The following ZNF536 variants were observed in gnomAD, a reference collection of about 807,000 sequenced individuals.
ZNF536 encodes zinc finger protein 536.
A neutral mutation model predicts 84.5 loss-of-function variants in ZNF536; 13 were observed. The observed-to-expected ratio is 0.15, with a 90% CI of 0.10 to 0.24. The LOEUF (loss-of-function observed/expected upper bound fraction) is 0.24, where lower values mean the gene tolerates loss of function less well. Ranked by LOEUF, ZNF536 falls within the 10% of genes least tolerant of loss-of-function variation. ZNF536 has a pLI of 1.00. For missense variants in ZNF536, 1,536 were observed against 1,747.5 expected (o/e 0.88, Z 2.16); for synonymous variants, 811 against 742.5 (o/e 1.09, Z -1.50).
chr19:30,505,211 ATAT>A (rs201844782), intron 2 of ZNF536, among the ~76,000 whole-genome samples: 1 of 144,740 alleles, frequency 6.9e-6, no homozygotes, highest in Non-Finnish European at 1.5e-5. Context: ...TCTATATATT[ATAT>A]TATTATGAGA....
chr19:30,424,465 A>G (rs1476470416), intron 1 of ZNF536, among the ~76,000 whole-genome samples: 1 of 152,182 alleles, frequency 6.6e-6, no homozygotes, highest in African/African-American at 2.4e-5. Flanking sequence ...TACTGAGCAC[A>G]GGTAACACAG....
chr19:30,516,599 T>C (rs564818198), intron 2 of ZNF536, among the ~76,000 whole-genome samples: 17 of 152,210 alleles, frequency 1.1e-4, no homozygotes, highest in Non-Finnish European at 2.4e-4. Flanking sequence ...CATGTGTTCA[T>C]TGAGTGACTC....
At chr19:30,652,594 T>C (rs1218266527) in intron 1 of ZNF536, among the ~76,000 whole-genome samples, 1 of 152,162 alleles carries the variant, frequency 6.6e-6, no homozygotes, top group Non-Finnish European at 1.5e-5. Context: ...AGAGAGGTGC[T>C]TTTCTAAGGA....
intron 1 of ZNF536, among the ~76,000 whole-genome samples, chr19:30,608,895 TA>T (rs2047992149): frequency 6.6e-6 from 1 of 152,172 alleles, no homozygotes. Context: ...TGGACCAGAT[TA>T]AAACTCTAGT....
intron 1 of ZNF536, among the ~76,000 whole-genome samples, chr19:30,632,762 T>C (rs1288249072): frequency 6.6e-6 from 1 of 152,238 alleles, no homozygotes; most frequent in Non-Finnish European, 1.5e-5. Context: ...CAGTTTGATG[T>C]TGCTTAAGTC....
intron 1 of ZNF536, among the ~76,000 whole-genome samples, chr19:30,641,021 A>G (rs1165830401): frequency 6.6e-6 from 1 of 152,246 alleles, no homozygotes; most frequent in Non-Finnish European, 1.5e-5. Context: ...GTTCAGCTTC[A>G]GTACCGCTTA....
chr19:30,527,539 A>G (rs1389909976), intron 2 of ZNF536, among the ~76,000 whole-genome samples: 1 of 152,008 alleles, frequency 6.6e-6, no homozygotes, highest in Admixed American at 6.6e-5. Flanking sequence ...CCATAAGAAT[A>G]CTTAACTGTT....
intron 2 of ZNF536, among the ~76,000 whole-genome samples, chr19:30,533,032 A>G (rs1384204612): frequency 6.6e-6 from 1 of 152,198 alleles, no homozygotes; most frequent in Non-Finnish European, 1.5e-5. Context: ...TAGGAAAAAA[A>G]AGCTAGGTAA....
chr19:30,631,416 T>C (rs940174955), intron 1 of ZNF536, among the ~76,000 whole-genome samples: 1 of 152,214 alleles, frequency 6.6e-6, no homozygotes, highest in Non-Finnish European at 1.5e-5. Context: ...CAGACCCGGC[T>C]GTCCCCTCCC....
chr19:30,679,542 T>G (rs2050885781), intron 1 of ZNF536, among the ~76,000 whole-genome samples: 1 of 152,102 alleles, frequency 6.6e-6, no homozygotes, highest in Admixed American at 6.5e-5. Context: ...CTCCACGAAC[T>G]GCCCCCTCCC....
intron 1 of ZNF536, among the ~76,000 whole-genome samples, chr19:30,406,765 T>C (rs2050276370): frequency 6.6e-6 from 1 of 152,176 alleles, no homozygotes; most frequent in Non-Finnish European, 1.5e-5. Flanking sequence ...AAGTTTTCTG[T>C]AGCGGGTGTG....
intron 1 of ZNF536, chr19:30,665,138 C>T (rs1339524254): frequency 6.6e-6 from 1 of 152,236 alleles, no homozygotes; most frequent in Non-Finnish European, 1.5e-5. Context: ...GAGGTCAGGA[C>T]TTCGAAACTG....
At chr19:30,391,933 G>A (rs1270757721) in intron 1 of ZNF536, among the ~76,000 whole-genome samples, 6 of 152,106 alleles carry the variant, frequency 3.9e-5, no homozygotes, top group Admixed American at 2.0e-4. Flanking sequence ...AATGCAGTAC[G>A]TCTTAGACAT....
rs1244346564 is a variant in ZNF536 at position 30,600,042 on chromosome 19, G to T, written c.169+50528G>T. 4.0e-5 allele frequency among the ~76,000 whole-genome samples: 6 copies of T among 148,364 alleles called. No individual in the cohort carries two copies. The South Asian group carries it at 8.6e-4, about 21-fold the overall frequency. ...ATTCTACTCTCAAATGCTCCTAGCT[G>T]TTTTTTTTTTTTTGTTGTTGTTGTT... On this transcript the variant is annotated intron_variant, in intron 1 of 1. Transcript: ENST00000592773.
intron 1 of ZNF536, among the ~76,000 whole-genome samples, chr19:30,599,489 TC>T: frequency 7.9e-6 from 1 of 126,934 alleles, no homozygotes. Context: ...CTTCCCTCCT[TC>T]CTTCCTTCCC....
At chr19:30,365,636 G>T (rs1025385581) in intron 3 of ZNF536, among the ~76,000 whole-genome samples, 7 of 152,188 alleles carry the variant, frequency 4.6e-5, no homozygotes, top group Admixed American at 3.9e-4. Context: ...TCCCGTGGAG[G>T]TAACCTTCCC....
chr19:30,335,767 C>T (rs1315589973), intron 2 of ZNF536, among the ~76,000 whole-genome samples: 2 of 152,164 alleles, frequency 1.3e-5, no homozygotes, highest in Non-Finnish European at 2.9e-5. Flanking sequence ...AGATCCTAGC[C>T]TTGAAACTAT....
intron 1 of ZNF536, among the ~76,000 whole-genome samples, chr19:30,418,064 T>C (rs955850795): frequency 6.6e-6 from 1 of 152,160 alleles, no homozygotes; most frequent in Non-Finnish European, 1.5e-5. Flanking sequence ...TGTTTTGATA[T>C]AAGTATATTT....
intron 2 of ZNF536, among the ~76,000 whole-genome samples, chr19:30,482,131 A>ATGTGTG (rs138926025): frequency 2.0e-5 from 3 of 150,804 alleles, no homozygotes; most frequent in Admixed American, 2.0e-4. Flanking sequence ...ATGTGTGTGA[A>ATGTGTG]TGTGTGTGTG....
Sources: allele counts gnomAD v4.1 joint callset (sites outside exome capture counted in the v4.1 genomes callset), GRCh38; gene constraint gnomAD v4.1.1; transcripts MANE v1.5; gene names NCBI Gene and HGNC (gene_info 2026-07-23, HGNC 2026-07-21).